Variants in PRICKLE2 observed in about 807,000 individuals in gnomAD.
The protein encoded by PRICKLE2 is prickle-like protein 2.
A neutral mutation model predicts 81.4 loss-of-function variants in PRICKLE2; 21 were observed. The observed-to-expected ratio is 0.26, with a 90% CI of 0.18 to 0.37. The LOEUF is 0.37. Ranked by LOEUF, PRICKLE2 falls within the 10% of genes least tolerant of loss-of-function variation. PRICKLE2 has a pLI of 1.00. For synonymous variants in PRICKLE2, 456 were observed against 421.5 expected (o/e 1.08, Z -1.00); for missense variants, 940 against 1,109.0 (o/e 0.85, Z 2.16).
At chr3:64,108,483 CAG>C (rs2076790655) in intron 7 of PRICKLE2, among the ~76,000 whole-genome samples, 1 of 151,978 alleles carries the variant, frequency 6.6e-6, no homozygotes, top group East Asian at 1.9e-4. Context: ...TTCTTGGTGA[CAG>C]GGCATGGAAT....
chr3:64,110,383 C>A (rs936331733), intron 7 of PRICKLE2, among the ~76,000 whole-genome samples: 1 of 152,146 alleles, frequency 6.6e-6, no homozygotes, highest in African/African-American at 2.4e-5. Flanking sequence ...AGATCTTTGA[C>A]AAAGCCCTGC....
chr3:64,139,317 A>G (rs1367156049), intron 7 of PRICKLE2, among the ~76,000 whole-genome samples: 1 of 152,144 alleles, frequency 6.6e-6, no homozygotes, highest in East Asian at 1.9e-4. Flanking sequence ...TGGCCTGAGT[A>G]AAAAAAACAC....
At chr3:64,204,895 C>G (rs1000438372) in intron 1 of PRICKLE2, among the ~76,000 whole-genome samples, 1 of 152,110 alleles carries the variant, frequency 6.6e-6, no homozygotes, top group Non-Finnish European at 1.5e-5. Flanking sequence ...AGAAGTGATG[C>G]TAAGAGGATT....
rs561090483 is a variant in PRICKLE2, at chr3:64,121,020, T to G, written c.1661-21095A>C. Among the ~76,000 whole-genome samples the G allele has an allele frequency of 5.9e-5, 9 of 152,276 alleles. No homozygotes were observed. In the South Asian group the frequency reaches 1.9e-3, roughly 32 times the overall value. On this transcript the variant is annotated intron_variant, in intron 7 of 7. Coordinates refer to ENST00000638394, the MANE Select transcript of PRICKLE2 (RefSeq NM_198859.4). ...CTTTTCCTGCTCTTGGTCTCCAATCTCTGTCTCAGCCAGCCTGTGCCCTTC... is the reference window on the plus strand; with the variant it reads ...CTTTTCCTGCTCTTGGTCTCCAATCGCTGTCTCAGCCAGCCTGTGCCCTTC...
chr3:64,196,682 T>C (rs2078460645), intron 2 of PRICKLE2, among the ~76,000 whole-genome samples: 1 of 152,196 alleles, frequency 6.6e-6, no homozygotes, highest in African/African-American at 2.4e-5. Flanking sequence ...GGAGTGTTTC[T>C]ATTCTAAGAC....
chr3:64,199,009 CT>C (rs374502686), intron 1 of PRICKLE2, 42 bp from the exon 2 acceptor site: 18,604 of 1,124,442 alleles, frequency 0.017, 3 homozygotes, highest in Admixed American at 0.019. Context: ...AGGAAAAAAC[CT>C]TTTTTTTTTT....
chr3:64,179,011 CTTT>C (rs2078077027), intron 2 of PRICKLE2, among the ~76,000 whole-genome samples: 1 of 145,114 alleles, frequency 6.9e-6, no homozygotes, highest in African/African-American at 2.6e-5. Flanking sequence ...TTCTTTCTTT[CTTT>C]CTTTCTTTCT....
At chr3:64,128,671 G>A (rs749436168) in intron 7 of PRICKLE2, among the ~76,000 whole-genome samples, 18 of 149,444 alleles carry the variant, frequency 1.2e-4, no homozygotes, top group South Asian at 2.1e-4. Context: ...ATGTGAACCC[G>A]GGAGGGAGAG....
Position 64,099,760 on chromosome 3 carries a change from A to G in PRICKLE2, c.1826T>C (p.Leu609Pro). ...CATCTCCTGGTACTGCTGGGCAGAG[A>G]GCAGGCTGCGAACTGACTCTGCGCT... is the stretch of plus-strand genomic sequence containing the variant. Reference protein sequence around the residue: ...FRSAESVRSLLSAQQYQEMEG... With the variant: ...FRSAESVRSLPSAQQYQEMEG... Residue 609 changes from leucine (L) to proline (P), a missense_variant, in exon 8 of 8, where the codon CTC (leucine) becomes CCC (proline). This residue lies in a region of PRICKLE2 where 670 missense variants were observed against 717.2 expected (regional missense o/e 0.93). Transcript: ENST00000638394. The surrounding 1 kb of genome is among the most constrained non-coding windows in gnomAD (Gnocchi z 4.3). 4 of 1,614,154 alleles carry G rather than the reference A, an allele frequency of 2.5e-6. No individual in the cohort carries two copies. The highest frequency in any genetic ancestry group is 3.4e-6 in the Non-Finnish European group (4 of 1,180,018).
In PRICKLE2 at chr3:64,147,480, C is replaced by A. The variant is rs750388947; in HGVS notation, c.1010G>T (p.Ser337Ile). ...QNARAKESRR[S>I]AKIGKNKGKT... ...GCCCTTGTTCTTGCCAATTTTGGCA[C>A]TGCGCCGGGACTCCTTGGCCCTGGC... Residue 337 changes from serine to isoleucine, a missense_variant, in exon 7 of 8, where the codon AGT becomes ATT. Physicochemically the swap from Ser to Ile is moderately radical, Grantham distance 142. Transcript: ENST00000638394. This position sits in a 1 kb window ranked among gnomAD's most constrained non-coding sequence, Gnocchi z 5.0. 6.2e-7 allele frequency: 1 copy of A among 1,614,250 alleles called. No homozygotes were observed. The highest frequency in any genetic ancestry group is 8.5e-7 in the Non-Finnish European group (1 of 1,180,058).
intron 2 of PRICKLE2, among the ~76,000 whole-genome samples, chr3:64,253,247 A>G (rs998755194): frequency 1.3e-5 from 2 of 152,232 alleles, no homozygotes; most frequent in Admixed American, 6.5e-5. Context: ...AATCTATTTT[A>G]TAAGTAAAGA....
At chr3:64,163,953 C>T (rs988684667) in intron 2 of PRICKLE2, 3 of 148,658 alleles carry the variant, frequency 2.0e-5, no homozygotes, top group African/African-American at 7.4e-5. Context: ...AAAAAAAATC[C>T]CACAAGCCCA....
At chr3:64,133,297 C>A (rs2077224787) in intron 7 of PRICKLE2, among the ~76,000 whole-genome samples, 1 of 152,012 alleles carries the variant, frequency 6.6e-6, no homozygotes, top group Non-Finnish European at 1.5e-5. Context: ...GGATGCTGAG[C>A]CTTGGGTTGT....
At chr3:64,141,317 C>A (rs1410402783) in intron 7 of PRICKLE2, among the ~76,000 whole-genome samples, 3 of 152,212 alleles carry the variant, frequency 2.0e-5, no homozygotes, top group African/African-American at 7.2e-5. Context: ...GGCTATTCAG[C>A]CTCTCAGTGC....
In PRICKLE2 at chr3:64,099,878, A is replaced by G; in HGVS notation, c.1708T>C (p.Phe570Leu). Reference sequence around the variant, plus strand: ...TCTTTGCTGAGGTCAGGCATGGAAAATCGGGATAGGTGCTCCTGGCGCTTG... The same window carrying G: ...TCTTTGCTGAGGTCAGGCATGGAAAGTCGGGATAGGTGCTCCTGGCGCTTG... ...GAKRQEHLSR[F>L]SMPDLSKDSG... The change falls in exon 8 of 8, where the codon TTT becomes CTT. Residue 570 changes from phenylalanine (F) to leucine (L), a missense_variant. By Grantham distance (22) the Phe-to-Leu change is conservative. Coordinates refer to ENST00000638394, the MANE Select transcript of PRICKLE2 (RefSeq NM_198859.4). The surrounding 1 kb of genome is among the most constrained non-coding windows in gnomAD (Gnocchi z 4.3). The G allele has an allele frequency of 6.2e-7, 1 of 1,614,196 alleles. No individual in the cohort carries two copies. Among genetic ancestry groups the G allele is most frequent in the South Asian group, 1.1e-5 (1 of 91,076 alleles).
At chr3:64,153,466 A>G (rs2077578308) in intron 5 of PRICKLE2, 98 bp from the exon 6 acceptor site, 1 of 1,125,224 alleles carries the variant, frequency 8.9e-7, no homozygotes, top group Non-Finnish European at 1.3e-6. Flanking sequence ...AAGGGTAAGA[A>G]AGCAGATCCT....
At chr3:64,235,189 T>C (rs1357493353) in intron 2 of PRICKLE2, among the ~76,000 whole-genome samples, 1 of 152,240 alleles carries the variant, frequency 6.6e-6, no homozygotes, top group Non-Finnish European at 1.5e-5. Flanking sequence ...ATTCCAGTTA[T>C]TATACTTTTC....
At chr3:64,234,247 T>G (rs1188815637) in intron 2 of PRICKLE2, among the ~76,000 whole-genome samples, 1 of 152,152 alleles carries the variant, frequency 6.6e-6, no homozygotes, top group Non-Finnish European at 1.5e-5. Context: ...TCAAGCAGTT[T>G]TTCAAAGTGC....
intron 7 of PRICKLE2, among the ~76,000 whole-genome samples, chr3:64,134,041 G>A (rs891251169): frequency 3.9e-5 from 6 of 152,178 alleles, no homozygotes; most frequent in African/African-American, 1.4e-4. Context: ...ACAAGTAATA[G>A]TTACTCTCAA....
Sources: allele counts gnomAD v4.1 joint callset (sites outside exome capture counted in the v4.1 genomes callset), GRCh38; gene constraint gnomAD v4.1.1; regional missense constraint gnomAD v4.1.1; non-coding constraint Gnocchi (gnomAD v3.1); transcripts MANE v1.5; gene names NCBI Gene and HGNC (gene_info 2026-07-23, HGNC 2026-07-21).